DMD: variants seen among roughly 807,000 people sequenced by gnomAD.
The protein encoded by DMD is dystrophin.
DMD carries 63 observed loss-of-function variants against 330.1 expected under a neutral mutation model. The observed-to-expected ratio is 0.19, with a 90% confidence interval of 0.16 to 0.24. The LOEUF is 0.24. Among genes scored for constraint, DMD ranks in the 10% least tolerant of loss-of-function variants. The pLI is 1.00. For missense variants in DMD, 3,344 were observed against 2,684.1 expected (o/e 1.25, Z -5.43); for synonymous variants, 1,223 against 959.8 (o/e 1.27, Z -5.07).
intron 30 of DMD, among the ~76,000 whole-genome samples, chrX:32,391,628 G>A (rs973679366): frequency 1.8e-5 from 2 of 111,973 alleles, no homozygotes; most frequent in Non-Finnish European, 3.8e-5. Flanking sequence ...ATCTTCATTG[G>A]TTGAATAACT....
intron 11 of DMD, among the ~76,000 whole-genome samples, chrX:32,625,069 G>A (rs911373585): frequency 8.0e-5 from 9 of 111,980 alleles, no homozygotes; most frequent in African/African-American, 2.9e-4. Context: ...TACTCAGGAG[G>A]CTGAGGCAGG....
intron 1 of DMD, among the ~76,000 whole-genome samples, chrX:33,328,190 TTTTTG>T (rs941007463): frequency 6.3e-5 from 7 of 111,112 alleles, no homozygotes; most frequent in African/African-American, 2.3e-4. Flanking sequence ...ATATAGGTTT[TTTTTG>T]TTTTGTTTTG....
intron 18 of DMD, among the ~76,000 whole-genome samples, chrX:32,507,692 T>G (rs753568985): frequency 1.2e-4 from 13 of 111,661 alleles, no homozygotes; most frequent in Non-Finnish European, 1.7e-4. Context: ...TGTGAAAATT[T>G]TGAAAACAAT....
intron 54 of DMD, among the ~76,000 whole-genome samples, chrX:31,646,122 A>G (rs1294414884): frequency 1.8e-5 from 2 of 111,832 alleles, no homozygotes; most frequent in African/African-American, 3.2e-5. Context: ...GGACAGCTTT[A>G]TAACAATATT....
chrX:31,223,335 C>T (rs891821701), intron 63 of DMD, among the ~76,000 whole-genome samples: 34 of 111,978 alleles, frequency 3.0e-4, no homozygotes, highest in African/African-American at 1.1e-3. Flanking sequence ...ACCAGGAAGG[C>T]TAAGTTCTGT....
chrX:33,331,588 A>T (rs2054178000), intron 1 of DMD, among the ~76,000 whole-genome samples: 1 of 111,499 alleles, frequency 9.0e-6, no homozygotes, highest in South Asian at 3.7e-4. Context: ...TGTATTCATA[A>T]CCCTGTCTTC....
chrX:32,010,825 C>CTCT (rs1438649730), intron 44 of DMD, among the ~76,000 whole-genome samples: 1 of 111,959 alleles, frequency 8.9e-6, no homozygotes, highest in African/African-American at 3.2e-5. Context: ...CCCCTGAGAG[C>CTCT]TCTTTGAAGT....
chrX:32,511,095 T>A (rs975143714), intron 18 of DMD, among the ~76,000 whole-genome samples: 13 of 110,508 alleles, frequency 1.2e-4, no homozygotes, highest in African/African-American at 4.3e-4. Flanking sequence ...CTTCATTTTC[T>A]TTTATATATT....
chrX:31,891,895 C>T (rs914727417), intron 47 of DMD, among the ~76,000 whole-genome samples: 6 of 111,589 alleles, frequency 5.4e-5, no homozygotes, highest in Non-Finnish European at 1.1e-4. Flanking sequence ...CTTCAATGTA[C>T]GAGAAATAAA....
intron 1 of DMD, among the ~76,000 whole-genome samples, chrX:33,252,914 C>T (rs1290778144): frequency 3.6e-5 from 4 of 111,656 alleles, no homozygotes; most frequent in African/African-American, 6.5e-5. Flanking sequence ...TTGTATATGA[C>T]AGCAACAATG....
intron 73 of DMD, among the ~76,000 whole-genome samples, chrX:31,170,533 T>C (rs1398970618): frequency 5.4e-5 from 6 of 111,701 alleles, no homozygotes. Flanking sequence ...TGGTTAGATA[T>C]CATTAAGATG....
rs748077450 is a variant in DMD at position 32,755,686 on chromosome X, T to G, written c.649+53807A>C. On this transcript the variant is annotated intron_variant, in intron 7 of 78. Coordinates refer to ENST00000357033, the MANE Select transcript of DMD (RefSeq NM_004006.3). ...AGTTAAATAGCAATAAAAATATCAA[T>G]GGTTTGAATTTAATAACATGTTTTT... Among the ~76,000 whole-genome samples, 3 of 112,430 alleles carry G rather than the reference T, an allele frequency of 2.7e-5. No individual in the cohort carries two copies. In the Admixed American group the frequency reaches 2.8e-4, roughly 11 times the overall value.
chrX:33,092,466 T>C (rs767393487), intron 1 of DMD, among the ~76,000 whole-genome samples: 2 of 111,836 alleles, frequency 1.8e-5, no homozygotes, highest in African/African-American at 6.5e-5. Flanking sequence ...TTTCTTTTAG[T>C]AGACAATTAT....
intron 1 of DMD, among the ~76,000 whole-genome samples, chrX:33,240,693 G>T (rs780123139): frequency 8.1e-5 from 9 of 111,508 alleles, no homozygotes; most frequent in Non-Finnish European, 1.7e-4. Flanking sequence ...GGTGTGCAAG[G>T]GTTCCCTTTT....
intron 55 of DMD, among the ~76,000 whole-genome samples, chrX:31,610,599 T>C (rs765552495): frequency 8.9e-6 from 1 of 112,250 alleles, no homozygotes; most frequent in Non-Finnish European, 1.9e-5. Context: ...TTGATTATAA[T>C]GAAACATGTT....
rs183799521 is a variant in DMD at position 32,698,118 on chromosome X, A to T, written c.832-120T>A. ...CATTAAATGGAAATGGTGAGATTCA[A>T]TGTTTAATACTAAACATATATAAAT... On this transcript the variant is annotated intron_variant, in intron 8 of 78. Transcript: ENST00000357033. 333 of 771,138 alleles carry T rather than the reference A, an allele frequency of 4.3e-4. No individual in the cohort carries two copies. In the African/African-American group the frequency reaches 5.6e-3, roughly 13 times the overall value. The allele number at this position is 771,138 out of a possible 1,213,427, so 63.6% of individuals were successfully genotyped here.
intron 20 of DMD, among the ~76,000 whole-genome samples, chrX:32,488,233 G>A (rs2042665341): frequency 8.9e-6 from 1 of 111,891 alleles, no homozygotes. Context: ...TCCATAAAAG[G>A]ATTTGGTTTA....
chrX:31,894,766 C>T (rs1364662185), intron 47 of DMD, among the ~76,000 whole-genome samples: 2 of 111,721 alleles, frequency 1.8e-5, no homozygotes, highest in African/African-American at 6.5e-5. Context: ...ACAGTAGATA[C>T]TGCGACTTTG....
chrX:31,715,226 G>A (rs1312153910), intron 52 of DMD, among the ~76,000 whole-genome samples: 1 of 104,850 alleles, frequency 9.5e-6, no homozygotes, highest in African/African-American at 3.5e-5. Context: ...TTGGTGGGGG[G>A]GGAGCTGCGA....
Sources: gnomAD v4.1 joint callset for allele counts (sites outside exome capture counted in the v4.1 genomes callset) on GRCh38, gnomAD v4.1.1 for gene constraint, MANE v1.5 for transcripts, NCBI Gene and HGNC (gene_info 2026-07-23, HGNC 2026-07-21) for gene names.